MAPT: variants seen among roughly 807,000 people sequenced by gnomAD.
The protein encoded by MAPT is microtubule-associated protein tau.
A neutral mutation model predicts 67.9 loss-of-function variants in MAPT; 34 were observed. The ratio of observed to expected loss-of-function variants is 0.50; its 90% CI spans 0.38 to 0.67. The LOEUF (loss-of-function observed/expected upper bound fraction) is 0.67. Ranked by LOEUF, MAPT falls within the 30% of genes least tolerant of loss-of-function variation. MAPT has a pLI of 0.00. For synonymous variants in MAPT, 456 were observed against 464.5 expected, an observed-to-expected ratio of 0.98 and a Z score of 0.23; for missense variants, 881 against 1,115.2, an observed-to-expected ratio of 0.79 and a Z score of 2.99.
At chr17:45,921,698 A>T (rs2065735391) in intron 1 of MAPT, among the ~76,000 whole-genome samples, 1 of 152,212 alleles carries the variant, frequency 6.6e-6, no homozygotes, top group Admixed American at 6.5e-5. Flanking sequence ...AGTGATGGTG[A>T]CTAAATTAGA....
chr17:45,998,126 C>A (rs562055910), intron 9 of MAPT, among the ~76,000 whole-genome samples: 7 of 152,098 alleles, frequency 4.6e-5, no homozygotes, highest in Admixed American at 6.5e-5. Context: ...TTGCCTCCCC[C>A]ACGCAGGCGC....
intron 1 of MAPT, among the ~76,000 whole-genome samples, chr17:45,958,524 C>A (rs1280549900): frequency 6.6e-6 from 1 of 151,940 alleles, no homozygotes; most frequent in Non-Finnish European, 1.5e-5. Flanking sequence ...GTTCCAACAC[C>A]AGCCTGAGCA....
intron 1 of MAPT, among the ~76,000 whole-genome samples, chr17:45,914,772 G>C (rs2065059635): frequency 6.7e-6 from 1 of 149,394 alleles, no homozygotes; most frequent in Non-Finnish European, 1.5e-5. Context: ...CCAGGCAGGA[G>C]TGCAGTGGTA....
In MAPT at chr17:46,025,485, C is replaced by A. The variant is rs1483949051; in HGVS notation, c.*1314C>A. The A allele has an allele frequency of 6.5e-6, 1 of 152,718 alleles. No individual in the cohort carries two copies. Among genetic ancestry groups the A allele is most frequent in the Non-Finnish European group, 1.5e-5 (1 of 68,112 alleles). 9.5% of individuals were successfully genotyped at this position (152,718 alleles called of 1,614,324 possible). A position where few individuals can be genotyped will look rare whatever the true frequency, so the allele number is the denominator to read the frequency against. ...TACTGAGGGTGAAATTAAGGGAAGG[C>A]AAAGTCCAGGCACAAGAGTGGGACC... is the stretch of plus-strand genomic sequence containing the variant. On this transcript the variant is annotated 3_prime_UTR_variant, in exon 13 of 13. Coordinates refer to ENST00000262410, the MANE Select transcript of MAPT (RefSeq NM_001377265.1).
intron 3 of MAPT, chr17:45,972,223 T>C: frequency 1.6e-6 from 1 of 619,542 alleles, no homozygotes; most frequent in East Asian, 3.3e-5. Flanking sequence ...ACGATTGTCC[T>C]CCCACACCCC....
chr17:45,996,474 G>A lies in MAPT; in HGVS notation c.1808G>A (p.Arg603His), dbSNP rs780895519. Residue 603 changes from arginine (R) to histidine (H), a missense_variant, in exon 9 of 13, where the codon CGC becomes CAC. This residue lies in a region of MAPT where 33 missense variants were observed against 76.0 expected (regional missense o/e 0.43). Coordinates refer to ENST00000262410, the MANE Select transcript of MAPT (RefSeq NM_001377265.1). The surrounding 1 kb of genome is among the most constrained non-coding windows in gnomAD (Gnocchi z 4.5). Reference protein sequence around the residue: ...GSPGTPGSRSRTPSLPTPPTR... With the variant: ...GSPGTPGSRSHTPSLPTPPTR... ...CCAGGCACTCCCGGCAGCCGCTCCC[G>A]CACCCCGTCCCTTCCAACCCCACCC... The A allele has an allele frequency of 9.9e-6, 16 of 1,612,842 alleles. No homozygotes were observed. The highest frequency in any genetic ancestry group is 1.6e-4 in the Middle Eastern group (1 of 6,084).
At chr17:45,978,556 T>TAAAA in intron 4 of MAPT, 116 bp downstream of exon 4, 1 of 810,304 alleles carries the variant, frequency 1.2e-6, no homozygotes, top group Non-Finnish European at 2.0e-6. Flanking sequence ...TCCAGGAGAT[T>TAAAA]TTAGGGAGTT....
At chr17:45,942,780 C>T (rs1263458074) in intron 1 of MAPT, among the ~76,000 whole-genome samples, 7 of 152,250 alleles carry the variant, frequency 4.6e-5, no homozygotes, top group Non-Finnish European at 1.0e-4. Context: ...GGTTCATCGA[C>T]AGCCAGCGAT....
chr17:45,978,575 T>C (rs2072626433), intron 4 of MAPT, 135 bp downstream of exon 4: 3 of 694,064 alleles, frequency 4.3e-6, no homozygotes, highest in Non-Finnish European at 7.3e-6. Context: ...TTGGTTCTTA[T>C]CAAAGGTTGG....
intron 1 of MAPT, among the ~76,000 whole-genome samples, chr17:45,938,563 G>A (rs12150104): frequency 0.14 from 21,823 of 152,184 alleles, 2,136 homozygotes; most frequent in Middle Eastern, 0.22. Flanking sequence ...CATGTACAGT[G>A]ACATATTCAC....
chr17:45,928,898 G>A (rs761069806), intron 1 of MAPT, among the ~76,000 whole-genome samples: 3 of 151,948 alleles, frequency 2.0e-5, no homozygotes, highest in Non-Finnish European at 4.4e-5. Flanking sequence ...GGGTTTCACC[G>A]TGTTAGCCAG....
chr17:45,987,893 GTGC>G (rs1222375879), intron 6 of MAPT, among the ~76,000 whole-genome samples: 1 of 152,210 alleles, frequency 6.6e-6, no homozygotes, highest in Non-Finnish European at 1.5e-5. Flanking sequence ...TGCACATTTA[GTGC>G]TGGGGGCAGG....
At chr17:45,956,846 G>A (rs1421136736) in intron 1 of MAPT, among the ~76,000 whole-genome samples, 1 of 151,040 alleles carries the variant, frequency 6.6e-6, no homozygotes, top group Non-Finnish European at 1.5e-5. Flanking sequence ...AACATGCTGT[G>A]TTTGGTTTTT....
At chr17:46,017,242 G>C (rs2076240137) in intron 11 of MAPT, among the ~76,000 whole-genome samples, 1 of 152,038 alleles carries the variant, frequency 6.6e-6, no homozygotes, top group Admixed American at 6.6e-5. Flanking sequence ...CCCATGCTTG[G>C]GCATGGTGTC....
In MAPT at chr17:45,983,026, G is replaced by A. The variant is rs2073132177; in HGVS notation, c.447G>A (p.Ala149=). Residue 149 remains alanine (A), a synonymous_variant, in exon 5 of 13, where the codon GCG becomes GCA. Coordinates refer to ENST00000262410, the MANE Select transcript of MAPT (RefSeq NM_001377265.1). ...CAGAAGCTCCCGTCCCGCTGACCGC[G>A]AGCCTTCCTCAGCACCGTCCCGTTT... ...KEPEAPVPLT[A]SLPQHRPVCP... The A allele has an allele frequency of 4.7e-6, 7 of 1,478,896 alleles. No individual in the cohort carries two copies. The highest frequency in any genetic ancestry group is 2.4e-5 in the Admixed American group (1 of 41,902). The allele number at this position is 1,478,896 out of a possible 1,614,324, so 91.6% of individuals were successfully genotyped here.
Position 45,906,233 on chromosome 17 carries a change from C to T in MAPT, c.-18+11547C>T, listed in dbSNP as rs1023258878. Among the ~76,000 whole-genome samples, 3 of 152,198 alleles carry T rather than the reference C, an allele frequency of 2.0e-5. No individual in the cohort carries two copies. Among genetic ancestry groups the T allele is most frequent in the Middle Eastern group, 3.2e-3 (1 of 316 alleles). On this transcript the variant is annotated intron_variant, in intron 1 of 12. Transcript: ENST00000262410. The surrounding 1 kb of genome is among the most constrained non-coding windows in gnomAD (Gnocchi z 4.3). ...GGAAGGGCTGGGACTTCCTTCTGGG[C>T]TCAAGTCACGACCCTTGGATGGAAT... is the stretch of plus-strand genomic sequence containing the variant.
intron 9 of MAPT, among the ~76,000 whole-genome samples, chr17:46,009,279 G>A (rs1037837745): frequency 3.3e-5 from 5 of 152,228 alleles, no homozygotes; most frequent in African/African-American, 9.6e-5. Flanking sequence ...AAAGGTCACC[G>A]GGTGAGGAAG....
chr17:46,009,229 A>G (rs1452042776), intron 9 of MAPT, among the ~76,000 whole-genome samples: 2 of 152,108 alleles, frequency 1.3e-5, no homozygotes, highest in East Asian at 3.9e-4. Context: ...CAAAAAACCC[A>G]AAGCACACTG....
chr17:45,902,151 T>C (rs1325392647), intron 1 of MAPT, among the ~76,000 whole-genome samples: 8 of 152,154 alleles, frequency 5.3e-5, no homozygotes, highest in Non-Finnish European at 1.2e-4. Context: ...CTTGGCTCAC[T>C]GCGACCTCCA....
Sources: allele counts gnomAD v4.1 joint callset (sites outside exome capture counted in the v4.1 genomes callset), GRCh38; gene constraint gnomAD v4.1.1; regional missense constraint gnomAD v4.1.1; non-coding constraint Gnocchi (gnomAD v3.1); transcripts MANE v1.5; gene names NCBI Gene and HGNC (gene_info 2026-07-23, HGNC 2026-07-21).